The following SNTB1 variants were observed in gnomAD, a reference collection of about 807,000 sequenced individuals.
The protein encoded by SNTB1 is beta-1-syntrophin.
SNTB1 carries 36 observed loss-of-function variants against 48.9 expected under a neutral mutation model. The ratio of observed to expected loss-of-function variants is 0.74; its 90% confidence interval spans 0.56 to 0.97. The LOEUF is 0.97. SNTB1 is among the 50% of genes least tolerant of loss of function. The pLI, the probability that SNTB1 is intolerant of heterozygous loss-of-function variation, is 0.00. For missense variants in SNTB1, 786 were observed against 703.4 expected (o/e 1.12, Z -1.33); for synonymous variants, 299 against 294.6 (o/e 1.01, Z -0.15).
At chr8:120,621,108 C>T (rs562696388) in intron 3 of SNTB1, among the ~76,000 whole-genome samples, 96 of 152,164 alleles carry the variant, frequency 6.3e-4, no homozygotes, top group Admixed American at 3.1e-3. Flanking sequence ...TACAGGCACC[C>T]GACACCATGC....
intron 3 of SNTB1, among the ~76,000 whole-genome samples, chr8:120,575,978 T>C (rs1031794277): frequency 1.3e-5 from 2 of 152,194 alleles, no homozygotes; most frequent in Non-Finnish European, 2.9e-5. Flanking sequence ...TCCTATATGT[T>C]CCTCTGTCTA....
rs1045915548 is a variant in SNTB1 at position 120,602,313 on chromosome 8, C to T, written c.997-27088G>A. On this transcript the variant is annotated intron_variant, in intron 3 of 6. Transcript: ENST00000517992. ...AATTTTATGTGTCAACCTAGCTAGG[C>T]TATGGTATGCCACTGTTTGGTCAAA... Among the ~76,000 whole-genome samples the T allele has an allele frequency of 3.9e-5, 6 of 152,190 alleles. No individual in the cohort carries two copies. The South Asian group carries it at 1.2e-3, about 32-fold the overall frequency.
chr8:120,671,309 G>GA (rs1172636858), intron 2 of SNTB1, among the ~76,000 whole-genome samples: 4 of 152,148 alleles, frequency 2.6e-5, no homozygotes, highest in South Asian at 2.1e-4. Flanking sequence ...ACCTTATTTG[G>GA]AAAAAAGATC....
chr8:120,778,118 T>C (rs576736953), intron 1 of SNTB1, among the ~76,000 whole-genome samples: 88 of 152,360 alleles, frequency 5.8e-4, no homozygotes, highest in African/African-American at 2.1e-3. Context: ...TTGTATTTAT[T>C]TGATACAACC....
chr8:120,760,678 A>T (rs1819403798), intron 1 of SNTB1, among the ~76,000 whole-genome samples: 1 of 152,044 alleles, frequency 6.6e-6, no homozygotes, highest in East Asian at 1.9e-4. Flanking sequence ...ATACACCCAG[A>T]CTGTTCTGTT....
chr8:120,677,077 A>T (rs1451653857), intron 2 of SNTB1, among the ~76,000 whole-genome samples: 1 of 151,778 alleles, frequency 6.6e-6, no homozygotes, highest in East Asian at 1.9e-4. Context: ...AAAAAAAAAA[A>T]AACTTTATAC....
chr8:120,595,802 C>T (rs1280354149), intron 3 of SNTB1, among the ~76,000 whole-genome samples: 4 of 152,040 alleles, frequency 2.6e-5, no homozygotes, highest in South Asian at 2.1e-4. Context: ...AGGCTGGTCT[C>T]GAACTCCCGA....
chr8:120,718,497 T>C (rs1818600574), intron 1 of SNTB1, among the ~76,000 whole-genome samples: 1 of 152,224 alleles, frequency 6.6e-6, no homozygotes. Context: ...GGTGGCCAAA[T>C]ATATTTTATT....
At chr8:120,553,759 G>C (rs539674767) in intron 4 of SNTB1, among the ~76,000 whole-genome samples, 2 of 152,178 alleles carry the variant, frequency 1.3e-5, no homozygotes, top group Non-Finnish European at 2.9e-5. Flanking sequence ...AGCACTTTGG[G>C]AAGATGAGGC....
At chr8:120,564,886 T>C (rs536436274) in intron 4 of SNTB1, among the ~76,000 whole-genome samples, 18 of 152,172 alleles carry the variant, frequency 1.2e-4, no homozygotes, top group Non-Finnish European at 2.4e-4. Flanking sequence ...TTCTATTTTT[T>C]AGATGTGGAA....
At chr8:120,666,204 A>G (rs1817671248) in intron 2 of SNTB1, among the ~76,000 whole-genome samples, 1 of 152,134 alleles carries the variant, frequency 6.6e-6, no homozygotes, top group Non-Finnish European at 1.5e-5. Context: ...ACATATTTCT[A>G]TTTGATGTAA....
chr8:120,724,446 C>T (rs1435709842), intron 1 of SNTB1, among the ~76,000 whole-genome samples: 2 of 152,152 alleles, frequency 1.3e-5, no homozygotes, highest in East Asian at 1.9e-4. Flanking sequence ...GCTCCTCAGC[C>T]CACACCACAT....
intron 5 of SNTB1, among the ~76,000 whole-genome samples, chr8:120,544,549 A>G (rs1304351712): frequency 6.6e-6 from 1 of 152,140 alleles, no homozygotes; most frequent in Non-Finnish European, 1.5e-5. Flanking sequence ...CCTATTCTCC[A>G]CTGATTAGTC....
At position 120,538,462 on chromosome 8, in the gene SNTB1, C is replaced by G; in HGVS notation, c.*415G>C. On this transcript the variant is annotated 3_prime_UTR_variant, in exon 7 of 7. Coordinates refer to ENST00000517992, the MANE Select transcript of SNTB1 (RefSeq NM_021021.4). ...GATCACTGTTACTGGGGATAGGGGG[C>G]TAGGAGGAGTAGGTAAGAATGTCCA... 1 of 297,310 alleles carries G rather than the reference C, an allele frequency of 3.4e-6. No homozygotes were observed. Among genetic ancestry groups the G allele is most frequent in the South Asian group, 3.0e-5 (1 of 33,678 alleles). 18.4% of individuals were successfully genotyped at this position (297,310 alleles called of 1,614,324 possible). A position where few individuals can be genotyped will look rare whatever the true frequency, so the allele number is the denominator to read the frequency against.
Position 120,614,293 on chromosome 8 carries a change from T to C in SNTB1, c.996+18151A>G, listed in dbSNP as rs555299371. On this transcript the variant is annotated intron_variant, in intron 3 of 6. Transcript: ENST00000517992. ...AGCTATCCTTAGTAGCCTGGTGGAGTGTATAATCAATTTTCATGACTCCTT... is the reference window on the plus strand; with the variant it reads ...AGCTATCCTTAGTAGCCTGGTGGAGCGTATAATCAATTTTCATGACTCCTT... 2.5e-3 allele frequency among the ~76,000 whole-genome samples: 387 copies of C among 151,918 alleles called. 3 individuals are homozygous for C. Among genetic ancestry groups the C allele is most frequent in the Middle Eastern group, 0.01 (3 of 292 alleles).
In SNTB1 at chr8:120,538,889, G is replaced by T; in HGVS notation, c.1605C>A (p.Gly535=). 1.2e-6 allele frequency: 2 copies of T among 1,613,424 alleles called. No individual in the cohort carries two copies. The highest frequency in any genetic ancestry group is 1.7e-4 in the Middle Eastern group (1 of 6,056). ...GTCACCCCTGTCTTCAGGCCACCAAGCCCAGTCTTGTAATCTTAGCTGACA... is the reference window on the plus strand; with the variant it reads ...GTCACCCCTGTCTTCAGGCCACCAATCCCAGTCTTGTAATCTTAGCTGACA... ...SFLSAKITRL[G]LVA Residue 535 remains glycine (G), a synonymous_variant, in exon 7 of 7, where the codon GGC becomes GGA. Transcript: ENST00000517992.
chr8:120,563,788 T>TC (rs942826172), intron 4 of SNTB1, among the ~76,000 whole-genome samples: 16 of 152,084 alleles, frequency 1.1e-4, no homozygotes, highest in African/African-American at 3.9e-4. Context: ...GGACTGACAG[T>TC]CACCTGGCCC....
chr8:120,575,123 A>G lies in SNTB1; in HGVS notation c.1099T>C (p.Phe367Leu), dbSNP rs781535683. ...AGAGGGTATGTGTGAACTGGGCTGA[A>G]CCAGGCTTCCTTCCTCCGTGGCATG... The part of the protein sequence containing the change: ...DSMPRRKEAW[F>L]SPVHTYPLLA... The change falls in exon 4 of 7, where the codon TTC (phenylalanine) becomes CTC (leucine). Residue 367 changes from phenylalanine to leucine, a missense_variant. Phe to Leu is a conservative substitution (Grantham distance 22). Coordinates refer to ENST00000517992, the MANE Select transcript of SNTB1 (RefSeq NM_021021.4). The G allele has an allele frequency of 6.2e-7, 1 of 1,614,192 alleles. No homozygotes were observed.
At chr8:120,648,733 G>T (rs1817349299) in intron 2 of SNTB1, among the ~76,000 whole-genome samples, 1 of 152,160 alleles carries the variant, frequency 6.6e-6, no homozygotes, top group Non-Finnish European at 1.5e-5. Context: ...GATTAGGGAA[G>T]TTCTCCTGGA....
Sources: allele counts gnomAD v4.1 joint callset (sites outside exome capture counted in the v4.1 genomes callset), GRCh38; gene constraint gnomAD v4.1.1; transcripts MANE v1.5; gene names NCBI Gene and HGNC (gene_info 2026-07-23, HGNC 2026-07-21).